Variants in TRIM50 observed in about 807,000 individuals in gnomAD.
TRIM50 encodes tripartite motif containing 50.
In TRIM50, 34 loss-of-function variants were observed where a neutral mutation model predicts 44.9. The ratio of observed to expected loss-of-function variants is 0.76; its 90% confidence interval spans 0.58 to 1.01. The LOEUF is 1.01. Ranked by LOEUF, TRIM50 falls within the 50% of genes least tolerant of loss-of-function variation. The pLI is 0.00. For missense variants in TRIM50, 633 were observed against 663.7 expected (o/e 0.95, Z 0.51); for synonymous variants, 307 against 291.1 (o/e 1.05, Z -0.56).
chr7:73,315,801 C>G (rs1483927174), intron 6 of TRIM50, among the ~76,000 whole-genome samples: 1 of 151,876 alleles, frequency 6.6e-6, no homozygotes, highest in Non-Finnish European at 1.5e-5. Context: ...TAGGTTGGTT[C>G]AAAAGTAATT....
At chr7:73,316,326 A>G (rs1285408210) in intron 6 of TRIM50, among the ~76,000 whole-genome samples, 1 of 152,152 alleles carries the variant, frequency 6.6e-6, no homozygotes, top group African/African-American at 2.4e-5. Flanking sequence ...AAATAGCCCC[A>G]CTTTACAGAT....
At chr7:73,321,707 C>G (rs1163178785) in intron 2 of TRIM50, among the ~76,000 whole-genome samples, 3 of 152,198 alleles carry the variant, frequency 2.0e-5, no homozygotes, top group Non-Finnish European at 4.4e-5. Context: ...TGGCTTGGAT[C>G]GTGCCCAAGC....
chr7:73,316,438 C>G (rs1804359676), intron 6 of TRIM50, 127 bp downstream of exon 6: 3 of 1,271,324 alleles, frequency 2.4e-6, no homozygotes, highest in Non-Finnish European at 3.1e-6. Flanking sequence ...GTCCCATGCT[C>G]TCACTAGGAC....
intron 1 of TRIM50, among the ~76,000 whole-genome samples, chr7:73,327,310 T>A (rs1309600944): frequency 6.6e-6 from 1 of 152,096 alleles, no homozygotes; most frequent in Non-Finnish European, 1.5e-5. Flanking sequence ...AAACCATCTT[T>A]CCAGCAAATT....
At chr7:73,321,143 G>A (rs1804485670) in intron 2 of TRIM50, among the ~76,000 whole-genome samples, 1 of 152,164 alleles carries the variant, frequency 6.6e-6, no homozygotes, top group Admixed American at 6.6e-5. Flanking sequence ...ACCAGCCTGG[G>A]CAACACAGTG....
intron 2 of TRIM50, among the ~76,000 whole-genome samples, 190 bp downstream of exon 2, chr7:73,324,199 T>G (rs1413937082): frequency 6.6e-6 from 1 of 152,044 alleles, no homozygotes; most frequent in Non-Finnish European, 1.5e-5. Flanking sequence ...TCCCATCCTG[T>G]TCGTGTGGCT....
chr7:73,319,045 G>C lies in TRIM50; in HGVS notation c.503C>G (p.Ser168Trp), dbSNP rs782524904. ...VNNRTRIVNE[S>W]DVFSWVIRRE... The stretch of plus-strand genomic sequence containing the variant: ...GCGGATCACCCAGCTGAAGACATCC[G>C]ACTCATTCTGGGACAGGGAGGGCTG... Residue 168 changes from serine to tryptophan, a missense_variant, in exon 4 of 7, where the codon TCG becomes TGG. Transcript: ENST00000333149. 22 of 1,613,842 alleles carry C rather than the reference G, an allele frequency of 1.4e-5. No homozygotes were observed. The African/African-American group carries it at 2.9e-4, about 22-fold the overall frequency.
rs1420171550 is a variant in TRIM50, at chr7:73,324,718, T to G, written c.70A>C (p.Lys24Gln). 2 of 1,614,036 alleles carry G rather than the reference T, an allele frequency of 1.2e-6. No homozygotes were observed. The highest frequency in any genetic ancestry group is 2.7e-5 in the African/African-American group (2 of 74,908). The change falls in exon 2 of 7, where the codon AAG becomes CAG. Residue 24 changes from lysine to glutamine, a missense_variant. Coordinates refer to ENST00000333149, the MANE Select transcript of TRIM50 (RefSeq NM_178125.3). ...LQCPICLEVF[K>Q]EPLMLQCGHS... ...CCACACTGCAGCATCAGGGGCTCCT[T>G]GAAGACCTCCAGGCAGATGGGACAC... is the stretch of plus-strand genomic sequence containing the variant.
In TRIM50 at chr7:73,327,383, AGGC is replaced by A. The variant is rs1255784259; in HGVS notation, c.-19+514_-19+516del. Among the ~76,000 whole-genome samples the A allele has an allele frequency of 3.3e-5, 5 of 152,180 alleles. No homozygotes were observed. The East Asian group carries it at 9.6e-4, about 29-fold the overall frequency. On this transcript the variant is annotated intron_variant, in intron 1 of 6. Transcript: ENST00000333149. ...AGTTCTGTAATCCCAGCTACTCGGG[AGGC>A]TGAGGCAAGAGGATCTCTTGAGCCC... is the stretch of plus-strand genomic sequence containing the variant.
chr7:73,323,407 G>A (rs1213248770), intron 2 of TRIM50, among the ~76,000 whole-genome samples: 1 of 152,136 alleles, frequency 6.6e-6, no homozygotes, highest in Non-Finnish European at 1.5e-5. Flanking sequence ...TAGAGGCAGG[G>A]TCTCACTATG....
chr7:73,319,065 G>A lies in TRIM50; in HGVS notation c.496-13C>T, dbSNP rs781904779. 1 of 1,613,984 alleles carries A rather than the reference G, an allele frequency of 6.2e-7. No individual in the cohort carries two copies. Among genetic ancestry groups the A allele is most frequent in the South Asian group, 1.1e-5 (1 of 91,078 alleles). On this transcript the variant is annotated splice_polypyrimidine_tract_variant and intron_variant, in intron 3 of 6. Coordinates refer to ENST00000333149, the MANE Select transcript of TRIM50 (RefSeq NM_178125.3). ...CATCCGACTCATTCTGGGACAGGGA[G>A]GGCTGGTCACTGCAGAGTCACAGCC...
Position 73,316,606 on chromosome 7 carries a change from T to G in TRIM50, c.833A>C (p.Lys278Thr). 3.7e-6 allele frequency: 6 copies of G among 1,614,250 alleles called. No homozygotes were observed. The highest frequency in any genetic ancestry group is 5.1e-6 in the Non-Finnish European group (6 of 1,180,042). The change falls in exon 6 of 7, where the codon AAG becomes ACG. Residue 278 changes from lysine to threonine, a missense_variant. Coordinates refer to ENST00000333149, the MANE Select transcript of TRIM50 (RefSeq NM_178125.3). ...GAAGAGCCTTTTCCACACGGTCAGC[T>G]TGATGTCAGCCTGGTGGAGGCCTGG... The part of the protein sequence containing the change: ...FKPGLHQADI[K>T]LTVWKRLFRK...
At chr7:73,316,442 C>T (rs1804359796) in intron 6 of TRIM50, 123 bp downstream of exon 6, 3 of 1,364,256 alleles carry the variant, frequency 2.2e-6, no homozygotes, top group Admixed American at 4.7e-5. Flanking sequence ...CATGCTCTCA[C>T]TAGGACCCTC....
In TRIM50 at chr7:73,318,966, C is replaced by T; in HGVS notation, c.582G>A (p.Leu194=). ...HLVDEEKARC[L]EGIGGHTRGL... ...CACGGGTGTGACCCCCTATCCCCTC[C>T]AGGCAGCGGGCCTTCTCCTCATCCA... is the stretch of plus-strand genomic sequence containing the variant. The change falls in exon 4 of 7, where the codon CTG becomes CTA. Residue 194 remains leucine, a synonymous_variant. Coordinates refer to ENST00000333149, the MANE Select transcript of TRIM50 (RefSeq NM_178125.3). 6.2e-7 allele frequency: 1 copy of T among 1,614,040 alleles called. No individual in the cohort carries two copies.
chr7:73,321,412 G>A (rs1346547987), intron 2 of TRIM50, among the ~76,000 whole-genome samples: 6 of 152,156 alleles, frequency 3.9e-5, no homozygotes, highest in East Asian at 1.9e-4. Flanking sequence ...CAAAAAGGCC[G>A]GCGCCAGGTG....
chr7:73,320,047 T>G (rs1804457246), intron 3 of TRIM50, 100 bp downstream of exon 3: 2 of 1,596,136 alleles, frequency 1.3e-6, no homozygotes, highest in Middle Eastern at 3.3e-4. Flanking sequence ...TGGCTTTATA[T>G]GGAAGGCATG....
chr7:73,315,084 GACCAATT>G lies in TRIM50; in HGVS notation c.874+1474_874+1480del, dbSNP rs544204524. On this transcript the variant is annotated intron_variant, in intron 6 of 6. Coordinates refer to ENST00000333149, the MANE Select transcript of TRIM50 (RefSeq NM_178125.3). ...GGGCTAAGCTGGTGGAAGCTACCAG[GACCAATT>G]ACAACAACAAATGTGATGAGATCCG... 179 of 333,134 alleles carry G rather than the reference GACCAATT, an allele frequency of 5.4e-4. 4 individuals carry two copies. The East Asian group carries it at 0.01, about 19-fold the overall frequency. The allele number at this position is 333,134 out of a possible 1,614,324, so 20.6% of individuals were successfully genotyped here.
Position 73,313,879 on chromosome 7 carries a change from G to A in TRIM50, c.875-369C>T, listed in dbSNP as rs1804296891. On this transcript the variant is annotated intron_variant, in intron 6 of 6. Transcript: ENST00000333149. This position sits in a 1 kb window ranked among gnomAD's most constrained non-coding sequence, Gnocchi z 4.9. ...CCTGCCTGCCTGACACAGAGGTGTTGTGGGAAGGACCCGGAAGACACCTGT... is the reference window on the plus strand; with the variant it reads ...CCTGCCTGCCTGACACAGAGGTGTTATGGGAAGGACCCGGAAGACACCTGT... 6.6e-6 allele frequency among the ~76,000 whole-genome samples: 1 copy of A among 152,176 alleles called. No individual in the cohort carries two copies. Among genetic ancestry groups the A allele is most frequent in the Non-Finnish European group, 1.5e-5 (1 of 68,018 alleles).
Position 73,324,739 on chromosome 7 carries a change from G to A in TRIM50, c.49C>T (p.Pro17Ser), listed in dbSNP as rs782643626. The A allele has an allele frequency of 3.1e-6, 5 of 1,614,192 alleles. No individual in the cohort carries two copies. Among genetic ancestry groups the A allele is most frequent in the Non-Finnish European group, 4.2e-6 (5 of 1,180,044 alleles). ...LPELEDRLQC[P>S]ICLEVFKEPL... is the part of the protein sequence containing the mutation. Reference sequence around the variant, plus strand: ...TCCTTGAAGACCTCCAGGCAGATGGGACACTGAAGCCGGTCCTCCAGCTCT... The same window carrying A: ...TCCTTGAAGACCTCCAGGCAGATGGAACACTGAAGCCGGTCCTCCAGCTCT... Residue 17 changes from proline to serine, a missense_variant, in exon 2 of 7, where the codon CCC becomes TCC. Coordinates refer to ENST00000333149, the MANE Select transcript of TRIM50 (RefSeq NM_178125.3).
Sources: gnomAD v4.1 joint callset for allele counts (sites outside exome capture counted in the v4.1 genomes callset) on GRCh38, gnomAD v4.1.1 for gene constraint, Gnocchi (gnomAD v3.1) non-coding constraint, MANE v1.5 for transcripts, NCBI Gene and HGNC (gene_info 2026-07-23, HGNC 2026-07-21) for gene names.